COX7B2: variants seen among roughly 807,000 people sequenced by gnomAD.
COX7B2 encodes the protein cytochrome c oxidase subunit 7B2.
For synonymous variants in COX7B2, 37 were observed against 32.1 expected, an observed-to-expected ratio of 1.15 and a Z score of -0.51; for missense variants, 109 against 95.9, an observed-to-expected ratio of 1.14 and a Z score of -0.57.
chr4:46,769,460 G>T (rs1250616823), intron 2 of COX7B2, among the ~76,000 whole-genome samples: 1 of 152,116 alleles, frequency 6.6e-6, no homozygotes, highest in Admixed American at 6.5e-5. Context: ...GGCCGGGCAC[G>T]GTGGCTCACG....
intron 2 of COX7B2, among the ~76,000 whole-genome samples, chr4:46,777,310 T>G (rs1717207315): frequency 6.6e-6 from 1 of 152,078 alleles, no homozygotes; most frequent in African/African-American, 2.4e-5. Context: ...GGATAACTCA[T>G]GAAGAATTTT....
At chr4:46,867,595 C>G (rs1251429517) in intron 1 of COX7B2, among the ~76,000 whole-genome samples, 1 of 152,186 alleles carries the variant, frequency 6.6e-6, no homozygotes. Flanking sequence ...AATGAACAGC[C>G]CATACCCTGC....
At chr4:46,787,590 T>C (rs1015218371) in intron 2 of COX7B2, among the ~76,000 whole-genome samples, 1 of 152,186 alleles carries the variant, frequency 6.6e-6, no homozygotes, top group South Asian at 2.1e-4. Context: ...TGGGAACTGA[T>C]AAAGTATTGA....
rs773488916 is a variant in COX7B2, at chr4:46,869,188, C to A, written c.-104-24174G>T. Among the ~76,000 whole-genome samples the A allele has an allele frequency of 3.9e-5, 6 of 152,196 alleles. No homozygotes were observed. In the South Asian group the frequency reaches 8.3e-4, roughly 21 times the overall value. Reference sequence around the variant, plus strand: ...ATTGTTTTATCTGAAGTTAGGATTGCAACCCCTGATTTTTTCTGTTTTCTG... The same window carrying A: ...ATTGTTTTATCTGAAGTTAGGATTGAAACCCCTGATTTTTTCTGTTTTCTG... On this transcript the variant is annotated intron_variant, in intron 1 of 2. Coordinates refer to ENST00000355591, the MANE Select transcript of COX7B2 (RefSeq NM_130902.3).
At chr4:46,752,315 T>C (rs1264872672) in intron 2 of COX7B2, among the ~76,000 whole-genome samples, 1 of 151,170 alleles carries the variant, frequency 6.6e-6, no homozygotes, top group Non-Finnish European at 1.5e-5. Context: ...AAGGAGATTT[T>C]GGGCTGAGAG....
intron 2 of COX7B2, among the ~76,000 whole-genome samples, chr4:46,757,227 A>G (rs1389216954): frequency 3.5e-5 from 5 of 140,880 alleles, no homozygotes; most frequent in Non-Finnish European, 7.6e-5. Flanking sequence ...CAAATATTAT[A>G]TGTTCTCACT....
chr4:46,747,888 A>G (rs1374428409), intron 2 of COX7B2, among the ~76,000 whole-genome samples: 1 of 151,438 alleles, frequency 6.6e-6, no homozygotes, highest in Non-Finnish European at 1.5e-5. Context: ...TTACTATGAA[A>G]TAATAGCCGA....
rs111925549 is a variant in COX7B2 at position 46,820,964 on chromosome 4, A to C, written c.-50+23996T>G. 1.8e-3 allele frequency among the ~76,000 whole-genome samples: 278 copies of C among 152,142 alleles called. 2 individuals are homozygous for C. The highest frequency in any genetic ancestry group is 6.0e-3 in the African/African-American group (248 of 41,534). ...TAGCCCATGACAGAAAGTCAGTCAG[A>C]ATTACTACAGTCGAAACCTGAGAAT... is the stretch of plus-strand genomic sequence containing the variant. On this transcript the variant is annotated intron_variant, in intron 2 of 2. Transcript: ENST00000355591.
In COX7B2 at chr4:46,735,195, A is replaced by G. The variant is rs755009133; in HGVS notation, c.-3T>C. ...TTTCTGGCCAAGGGAAACATCATGA[A>G]GGATTGCAGTTGCCTTCAGCTACTG... is the stretch of plus-strand genomic sequence containing the variant. On this transcript the variant is annotated 5_prime_UTR_variant, in exon 3 of 3. Coordinates refer to ENST00000355591, the MANE Select transcript of COX7B2 (RefSeq NM_130902.3). 2 of 1,613,090 alleles carry G rather than the reference A, an allele frequency of 1.2e-6. No homozygotes were observed.
intron 2 of COX7B2, among the ~76,000 whole-genome samples, chr4:46,737,505 G>T (rs141114244): frequency 3.3e-5 from 5 of 152,184 alleles, no homozygotes; most frequent in African/African-American, 1.2e-4. Flanking sequence ...AGCATAAAAA[G>T]ATCTTTTTAA....
intron 1 of COX7B2, among the ~76,000 whole-genome samples, chr4:46,879,887 G>A (rs552981377): frequency 6.6e-6 from 1 of 152,252 alleles, no homozygotes; most frequent in Non-Finnish European, 1.5e-5. Flanking sequence ...GGTGTTCTCT[G>A]TATTAATGAG....
intron 2 of COX7B2, among the ~76,000 whole-genome samples, chr4:46,837,614 G>A (rs1472170550): frequency 6.6e-6 from 1 of 151,948 alleles, no homozygotes; most frequent in African/African-American, 2.4e-5. Flanking sequence ...ACAACACTGT[G>A]TATGTAACTA....
In COX7B2 at chr4:46,734,955, G is replaced by A. The variant is rs1269963751; in HGVS notation, c.238C>T (p.His80Tyr). Residue 80 changes from histidine (H) to tyrosine (Y), a missense_variant, in exon 3 of 3, where the codon CAT becomes TAT. His to Tyr is a moderately conservative substitution (Grantham distance 83, BLOSUM62 2). Transcript: ENST00000355591. ...VGRVTPKEWK[H>Y]Q is the part of the protein sequence containing the mutation. Reference sequence around the variant, plus strand: ...TACAGCAACTGTGATGGTTACTGATGTTTCCACTCTTTTGGGGTAACTCTG... The same window carrying A: ...TACAGCAACTGTGATGGTTACTGATATTTCCACTCTTTTGGGGTAACTCTG... The A allele has an allele frequency of 1.2e-6, 2 of 1,613,832 alleles. No homozygotes were observed. The highest frequency in any genetic ancestry group is 1.3e-5 in the African/African-American group (1 of 74,896).
chr4:46,865,706 C>G (rs765005346), intron 1 of COX7B2, among the ~76,000 whole-genome samples: 3 of 152,138 alleles, frequency 2.0e-5, no homozygotes, highest in Non-Finnish European at 2.9e-5. Flanking sequence ...TAACCTAATT[C>G]AGTGTGGGTG....
At chr4:46,756,573 A>G (rs1382781698) in intron 2 of COX7B2, among the ~76,000 whole-genome samples, 4 of 152,098 alleles carry the variant, frequency 2.6e-5, no homozygotes, top group Admixed American at 2.0e-4. Flanking sequence ...AATATCTAGA[A>G]TCTACAAAGA....
chr4:46,735,801 C>A (rs1367902295), intron 2 of COX7B2, among the ~76,000 whole-genome samples: 1 of 152,124 alleles, frequency 6.6e-6, no homozygotes, highest in Non-Finnish European at 1.5e-5. Context: ...TGGGTTATCA[C>A]ACAATTTACA....
intron 2 of COX7B2, among the ~76,000 whole-genome samples, chr4:46,836,961 C>T (rs1227848239): frequency 6.6e-6 from 1 of 152,070 alleles, no homozygotes; most frequent in African/African-American, 2.4e-5. Context: ...TATATATTGA[C>T]ACTAAAATTA....
At chr4:46,892,883 C>T (rs531612298) in intron 1 of COX7B2, among the ~76,000 whole-genome samples, 1 of 152,232 alleles carries the variant, frequency 6.6e-6, no homozygotes, top group East Asian at 1.9e-4. Flanking sequence ...GGGGGATTTC[C>T]CCCATGCTAT....
At chr4:46,757,942 T>A (rs1715897757) in intron 2 of COX7B2, among the ~76,000 whole-genome samples, 1 of 152,146 alleles carries the variant, frequency 6.6e-6, no homozygotes, top group Non-Finnish European at 1.5e-5. Context: ...GAAGCTGGCA[T>A]CAGGTCAGCA....
Sources: gnomAD v4.1 joint callset for allele counts (sites outside exome capture counted in the v4.1 genomes callset) on GRCh38, gnomAD v4.1.1 for gene constraint, MANE v1.5 for transcripts, NCBI Gene and HGNC (gene_info 2026-07-23, HGNC 2026-07-21) for gene names.